Variants in FRAS1 observed in about 807,000 individuals in gnomAD.
FRAS1 encodes the protein extracellular matrix organizing protein FRAS1.
Under a neutral mutation model 435.2 loss-of-function variants are expected in FRAS1, and 290 were observed. That is an observed-to-expected ratio of 0.67 (90% CI 0.61 to 0.73). The LOEUF (loss-of-function observed/expected upper bound fraction) is 0.73. Among genes scored for constraint, FRAS1 ranks in the 30% least tolerant of loss-of-function variants. The pLI is 0.00. For missense variants in FRAS1, 4,860 were observed against 5,001.5 expected (o/e 0.97, Z 0.85); for synonymous variants, 1,800 against 1,851.0 (o/e 0.97, Z 0.71).
intron 6 of FRAS1, among the ~76,000 whole-genome samples, chr4:78,263,446 G>A (rs953475663): frequency 2.0e-5 from 3 of 152,126 alleles, no homozygotes; most frequent in Non-Finnish European, 2.9e-5. Flanking sequence ...ATACGCTCAC[G>A]GGGACTCTGC....
chr4:78,103,147 A>G (rs1409635185), intron 2 of FRAS1, among the ~76,000 whole-genome samples: 1 of 152,232 alleles, frequency 6.6e-6, no homozygotes, highest in East Asian at 1.9e-4. Context: ...CCTCAACACC[A>G]TGAAAGGACT....
At chr4:78,498,273 G>C (rs562309241) in intron 60 of FRAS1, among the ~76,000 whole-genome samples, 19 of 152,152 alleles carry the variant, frequency 1.2e-4, no homozygotes, top group Non-Finnish European at 2.6e-4. Context: ...ACTTTGGGAG[G>C]CCAAGGCAGG....
chr4:78,128,877 T>C (rs1719526647), intron 2 of FRAS1, among the ~76,000 whole-genome samples: 1 of 152,250 alleles, frequency 6.6e-6, no homozygotes, highest in African/African-American at 2.4e-5. Context: ...CTAGGGTTTT[T>C]ATGGTTTTAG....
chr4:78,199,186 T>C (rs1722947251), intron 2 of FRAS1, among the ~76,000 whole-genome samples: 1 of 152,250 alleles, frequency 6.6e-6, no homozygotes, highest in Admixed American at 6.5e-5. Flanking sequence ...TCTAGTTGAA[T>C]CTCATTCCTC....
chr4:78,395,559 T>C (rs900255474), intron 29 of FRAS1, among the ~76,000 whole-genome samples: 2 of 152,060 alleles, frequency 1.3e-5, no homozygotes, highest in South Asian at 2.1e-4. Flanking sequence ...TGTGCATATA[T>C]ATTTACAATT....
chr4:78,291,850 G>A (rs528896352), intron 14 of FRAS1, among the ~76,000 whole-genome samples: 1 of 152,204 alleles, frequency 6.6e-6, no homozygotes, highest in Admixed American at 6.5e-5. Context: ...ATTTTGAGAC[G>A]TAAAGAATCA....
At chr4:78,303,059 T>C (rs998572136) in intron 14 of FRAS1, among the ~76,000 whole-genome samples, 22 of 152,172 alleles carry the variant, frequency 1.4e-4, no homozygotes, top group African/African-American at 5.1e-4. Flanking sequence ...GGGATCCAGT[T>C]TCAGCTTTCT....
At chr4:78,145,630 T>C (rs1465691062) in intron 2 of FRAS1, among the ~76,000 whole-genome samples, 1 of 152,146 alleles carries the variant, frequency 6.6e-6, no homozygotes. Flanking sequence ...CAAACACAAT[T>C]TATAAAATAC....
At chr4:78,472,770 T>C (rs1719746958) in intron 52 of FRAS1, among the ~76,000 whole-genome samples, 1 of 152,228 alleles carries the variant, frequency 6.6e-6, no homozygotes, top group African/African-American at 2.4e-5. Flanking sequence ...CATGTATAGG[T>C]TGCTCAACAG....
chr4:78,301,241 C>T (rs1448208526), intron 14 of FRAS1, among the ~76,000 whole-genome samples: 4 of 152,122 alleles, frequency 2.6e-5, no homozygotes, highest in African/African-American at 9.7e-5. Context: ...GTGAAAGAAA[C>T]CTTTTAAGAA....
chr4:78,089,961 C>T (rs898853184), intron 2 of FRAS1, among the ~76,000 whole-genome samples: 1 of 152,120 alleles, frequency 6.6e-6, no homozygotes, highest in Admixed American at 6.5e-5. Context: ...TTCTTTGTGG[C>T]CATGAGTTCT....
At chr4:78,497,222 A>G (rs1262801814) in intron 60 of FRAS1, among the ~76,000 whole-genome samples, 1 of 152,160 alleles carries the variant, frequency 6.6e-6, no homozygotes, top group Non-Finnish European at 1.5e-5. Flanking sequence ...TGAGACAGAA[A>G]TGCTAAGACA....
chr4:78,232,787 A>G (rs934777760), intron 2 of FRAS1, among the ~76,000 whole-genome samples: 1 of 152,154 alleles, frequency 6.6e-6, no homozygotes, highest in African/African-American at 2.4e-5. Context: ...TGGGTAAACA[A>G]ACTCAGGGTT....
intron 27 of FRAS1, 140 bp downstream of exon 27, chr4:78,380,136 T>C: frequency 1.1e-6 from 1 of 880,854 alleles, no homozygotes; most frequent in Non-Finnish European, 1.7e-6. Context: ...GCCCAAATAC[T>C]CTCAGCTGCC....
intron 59 of FRAS1, among the ~76,000 whole-genome samples, chr4:78,494,386 A>G (rs896861475): frequency 5.9e-5 from 9 of 152,190 alleles, no homozygotes; most frequent in Admixed American, 5.9e-4. Context: ...TACAAGAAAC[A>G]TGGTGCCAGC....
chr4:78,400,510 A>C (rs193253961), intron 29 of FRAS1, among the ~76,000 whole-genome samples: 3 of 152,352 alleles, frequency 2.0e-5, no homozygotes, highest in African/African-American at 7.2e-5. Flanking sequence ...TTGTTGGTTC[A>C]TGATAAACTA....
intron 14 of FRAS1, among the ~76,000 whole-genome samples, chr4:78,303,806 T>G (rs56988642): frequency 0.26 from 37,747 of 146,640 alleles, 5,615 homozygotes; most frequent in Admixed American, 0.33. Flanking sequence ...TGCAAACAGG[T>G]ACAATTTGAC....
chr4:78,263,079 G>T (rs904892304), intron 6 of FRAS1, among the ~76,000 whole-genome samples: 2 of 152,122 alleles, frequency 1.3e-5, no homozygotes, highest in Non-Finnish European at 2.9e-5. Flanking sequence ...TGGTTAGAAG[G>T]GCATGTATAT....
intron 35 of FRAS1, among the ~76,000 whole-genome samples, chr4:78,428,680 G>C (rs1734093466): frequency 6.6e-6 from 1 of 152,108 alleles, no homozygotes; most frequent in East Asian, 1.9e-4. Flanking sequence ...GTTCATGAAA[G>C]AAAATATTTA....
Sources: allele counts gnomAD v4.1 joint callset (sites outside exome capture counted in the v4.1 genomes callset), GRCh38; gene constraint gnomAD v4.1.1; transcripts MANE v1.5; gene names NCBI Gene and HGNC (gene_info 2026-07-23, HGNC 2026-07-21).